Variants in LRRTM3 observed in about 807,000 individuals in gnomAD.
LRRTM3 encodes the protein leucine-rich repeat transmembrane neuronal protein 3.
LRRTM3 carries 24 observed loss-of-function variants against 44.7 expected under a neutral mutation model. That is an observed-to-expected ratio of 0.54 (90% CI 0.39 to 0.76). The LOEUF (loss-of-function observed/expected upper bound fraction) is 0.76. Among genes scored for constraint, LRRTM3 ranks in the 30% least tolerant of loss-of-function variants. The pLI is 0.00. For missense variants in LRRTM3, 587 were observed against 702.2 expected (o/e 0.84, Z 1.85); for synonymous variants, 277 against 278.7 (o/e 0.99, Z 0.06).
intron 2 of LRRTM3, among the ~76,000 whole-genome samples, chr10:67,091,676 G>A (rs78466429): frequency 0.011 from 1,720 of 152,110 alleles, 20 homozygotes; most frequent in African/African-American, 0.037. Context: ...ACTTTGAGCC[G>A]AGATAGTGGT....
chr10:66,952,596 T>C (rs1187873513), intron 2 of LRRTM3, among the ~76,000 whole-genome samples: 1 of 152,118 alleles, frequency 6.6e-6, no homozygotes. Context: ...ATGTACTACT[T>C]AAGCAATAAT....
chr10:66,993,752 A>T (rs1851172306), intron 2 of LRRTM3, among the ~76,000 whole-genome samples: 1 of 150,298 alleles, frequency 6.7e-6, no homozygotes. Flanking sequence ...ATTTCGGATT[A>T]TGTGGAGAAA....
intron 2 of LRRTM3, among the ~76,000 whole-genome samples, chr10:67,051,789 C>T (rs1328767457): frequency 1.3e-5 from 2 of 150,098 alleles, no homozygotes; most frequent in East Asian, 2.0e-4. Flanking sequence ...GAGTCTCACT[C>T]TCTCTCCCAG....
chr10:67,015,384 T>C (rs1852594649), intron 2 of LRRTM3: 1 of 152,180 alleles, frequency 6.6e-6, no homozygotes, highest in African/African-American at 2.4e-5. Flanking sequence ...TCCAGGGTTC[T>C]ATATTGTCTA....
chr10:67,029,214 G>C (rs754797591), intron 2 of LRRTM3, among the ~76,000 whole-genome samples: 27 of 152,136 alleles, frequency 1.8e-4, no homozygotes, highest in African/African-American at 6.5e-4. Context: ...ATTTGAAAAG[G>C]TTCACTAATG....
chr10:67,043,501 C>T (rs997810669), intron 2 of LRRTM3, among the ~76,000 whole-genome samples: 2 of 152,110 alleles, frequency 1.3e-5, no homozygotes, highest in African/African-American at 2.4e-5. Flanking sequence ...CTTCCAATTT[C>T]TTCTAGTATA....
chr10:67,031,352 G>T (rs188927031), intron 2 of LRRTM3, among the ~76,000 whole-genome samples: 3 of 152,122 alleles, frequency 2.0e-5, no homozygotes, highest in African/African-American at 7.2e-5. Context: ...GCAGATGATA[G>T]AAAAAATCAG....
intron 2 of LRRTM3, among the ~76,000 whole-genome samples, chr10:67,005,159 T>C (rs556601627): frequency 6.6e-6 from 1 of 152,304 alleles, no homozygotes; most frequent in South Asian, 2.1e-4. Flanking sequence ...AAGTGGTTTC[T>C]TGACATTTTA....
At chr10:66,935,463 G>T (rs1386598749) in intron 2 of LRRTM3, among the ~76,000 whole-genome samples, 1 of 152,020 alleles carries the variant, frequency 6.6e-6, no homozygotes, top group Non-Finnish European at 1.5e-5. Context: ...AAATTTTAAT[G>T]TGAAAGGTAT....
intron 2 of LRRTM3, among the ~76,000 whole-genome samples, chr10:67,044,760 A>G (rs1025365763): frequency 6.6e-6 from 1 of 152,216 alleles, no homozygotes; most frequent in African/African-American, 2.4e-5. Flanking sequence ...TTGCTCAGCA[A>G]AAAGCATGAT....
chr10:67,025,023 G>A (rs760459137), intron 2 of LRRTM3, among the ~76,000 whole-genome samples: 2 of 151,562 alleles, frequency 1.3e-5, no homozygotes, highest in Admixed American at 6.6e-5. Flanking sequence ...TCAGCTACTC[G>A]GGAGGCTGAG....
chr10:67,035,354 A>C (rs2133124371), intron 2 of LRRTM3, among the ~76,000 whole-genome samples: 1 of 152,312 alleles, frequency 6.6e-6, no homozygotes, highest in East Asian at 1.9e-4. Flanking sequence ...AATGATTCAG[A>C]AGGGACCAAA....
intron 2 of LRRTM3, among the ~76,000 whole-genome samples, chr10:67,001,428 G>T (rs533071475): frequency 1.3e-5 from 2 of 151,958 alleles, no homozygotes; most frequent in South Asian, 4.2e-4. Context: ...CCAAAAAGGT[G>T]AAGTAGGAGC....
At chr10:67,045,129 T>C in intron 2 of LRRTM3, among the ~76,000 whole-genome samples, 1 of 152,204 alleles carries the variant, frequency 6.6e-6, no homozygotes, top group Non-Finnish European at 1.5e-5. Context: ...TAGTTAATGC[T>C]TACATACAGT....
At position 66,926,062 on chromosome 10, in the gene LRRTM3, C is replaced by T. The variant is rs552783165; in HGVS notation, c.-522C>T. 2.2e-6 allele frequency: 1 copy of T among 457,290 alleles called. No individual in the cohort carries two copies. The highest frequency in any genetic ancestry group is 4.4e-6 in the Non-Finnish European group (1 of 227,398). 28.3% of individuals were successfully genotyped at this position (457,290 alleles called of 1,614,324 possible). A position where few individuals can be genotyped will look rare whatever the true frequency, so the allele number is the denominator to read the frequency against. ...ACAGTCCGAGCAGCTTTCAGAATGA[C>T]AGTCTGCAGAAGTGAGCTGAGCGTG... On this transcript the variant is annotated 5_prime_UTR_variant, in exon 1 of 3. Coordinates refer to ENST00000361320, the MANE Select transcript of LRRTM3 (RefSeq NM_178011.5).
At chr10:67,001,118 T>A (rs1315077675) in intron 2 of LRRTM3, among the ~76,000 whole-genome samples, 2 of 151,368 alleles carry the variant, frequency 1.3e-5, no homozygotes, top group Non-Finnish European at 2.9e-5. Flanking sequence ...CTGGCCAACA[T>A]GATGAAACCC....
intron 2 of LRRTM3, among the ~76,000 whole-genome samples, chr10:67,068,264 A>C (rs1856215047): frequency 1.3e-5 from 2 of 152,168 alleles, no homozygotes; most frequent in African/African-American, 4.8e-5. Context: ...GGGATTGGAG[A>C]GTCCAAAATA....
intron 2 of LRRTM3, among the ~76,000 whole-genome samples, chr10:67,061,006 A>C (rs1405597524): frequency 6.6e-6 from 1 of 152,190 alleles, no homozygotes; most frequent in Non-Finnish European, 1.5e-5. Flanking sequence ...TCAAAGAGTC[A>C]TGGGAACCTT....
At position 66,959,784 on chromosome 10, in the gene LRRTM3, G is replaced by A. The variant is rs777893360; in HGVS notation, c.1536+31332G>A. ...CCTAGCTTTAATTTTCTCTCTATCC[G>A]ACCAGAAACTCAGGAGTAAGAAACT... On this transcript the variant is annotated intron_variant, in intron 2 of 2. Coordinates refer to ENST00000361320, the MANE Select transcript of LRRTM3 (RefSeq NM_178011.5). Among the ~76,000 whole-genome samples the A allele has an allele frequency of 9.9e-5, 15 of 151,936 alleles. No individual in the cohort carries two copies. In the East Asian group the frequency reaches 1.4e-3, roughly 14 times the overall value.
Sources: allele counts gnomAD v4.1 joint callset (sites outside exome capture counted in the v4.1 genomes callset), GRCh38; gene constraint gnomAD v4.1.1; transcripts MANE v1.5; gene names NCBI Gene and HGNC (gene_info 2026-07-23, HGNC 2026-07-21).